TSHZ1: variants seen among roughly 807,000 people sequenced by gnomAD.
The protein encoded by TSHZ1 is teashirt zinc finger homeobox 1.
A neutral mutation model predicts 67.1 loss-of-function variants in TSHZ1; 12 were observed. That is an observed-to-expected ratio of 0.18 (90% CI 0.11 to 0.29). The LOEUF (loss-of-function observed/expected upper bound fraction) is 0.29, where lower values mean the gene tolerates loss of function less well. Among genes scored for constraint, TSHZ1 ranks in the 10% least tolerant of loss-of-function variants. The pLI is 1.00. For missense variants in TSHZ1, 1,305 were observed against 1,413.9 expected, an observed-to-expected ratio of 0.92 and a Z score of 1.23; for synonymous variants, 632 against 622.4, an observed-to-expected ratio of 1.02 and a Z score of -0.23.
intron 1 of TSHZ1, among the ~76,000 whole-genome samples, chr18:75,246,680 G>A (rs1390740812): frequency 6.6e-6 from 1 of 152,084 alleles, no homozygotes; most frequent in Non-Finnish European, 1.5e-5. Flanking sequence ...CTGTGTGGGG[G>A]AAGAAAGCCT....
chr18:75,280,744 C>A lies in TSHZ1; in HGVS notation c.41-4704C>A, dbSNP rs552001381. On this transcript the variant is annotated intron_variant, in intron 1 of 1. Coordinates refer to ENST00000580243, the MANE Select transcript of TSHZ1 (RefSeq NM_001308210.2). ...AAGCAATGGGATGAAAATACTCAAC[C>A]CAGAGGCGCAGGAGCCTGTGCCGTG... 59 of 985,402 alleles carry A rather than the reference C, an allele frequency of 6.0e-5. No individual in the cohort carries two copies. The African/African-American group carries it at 1.0e-3, about 17-fold the overall frequency. 61.0% of individuals were successfully genotyped at this position (985,402 alleles called of 1,614,324 possible).
chr18:75,247,616 G>T (rs567341934), intron 1 of TSHZ1, among the ~76,000 whole-genome samples: 1 of 152,232 alleles, frequency 6.6e-6, no homozygotes, highest in South Asian at 2.1e-4. Flanking sequence ...TAATGCTATT[G>T]CAGTAAAGCG....
At chr18:75,274,073 G>A (rs932799557) in intron 1 of TSHZ1, among the ~76,000 whole-genome samples, 5 of 152,124 alleles carry the variant, frequency 3.3e-5, no homozygotes, top group Non-Finnish European at 7.3e-5. Context: ...GGTCTGTAGG[G>A]TGCTGTGCGT....
intron 1 of TSHZ1, among the ~76,000 whole-genome samples, chr18:75,219,358 T>C (rs1213871846): frequency 1.3e-5 from 2 of 152,188 alleles, no homozygotes; most frequent in Non-Finnish European, 2.9e-5. Flanking sequence ...CCCAGGAAGG[T>C]ATTTATTTAT....
intron 1 of TSHZ1, among the ~76,000 whole-genome samples, chr18:75,213,177 A>G (rs951199518): frequency 6.6e-6 from 1 of 152,242 alleles, no homozygotes; most frequent in African/African-American, 2.4e-5. Context: ...TGGGAATAGT[A>G]TCTACGTTTA....
At chr18:75,242,939 A>G (rs1472813365) in intron 1 of TSHZ1, among the ~76,000 whole-genome samples, 1 of 152,164 alleles carries the variant, frequency 6.6e-6, no homozygotes, top group Non-Finnish European at 1.5e-5. Context: ...CCTAGTGAAC[A>G]TGTGTTGCTC....
chr18:75,212,234 G>GTACTC (rs2122505823), intron 1 of TSHZ1, among the ~76,000 whole-genome samples: 1 of 152,326 alleles, frequency 6.6e-6, no homozygotes, highest in Non-Finnish European at 1.5e-5. Context: ...TGCGCTGAGG[G>GTACTC]GAAGTAGTTG....
intron 1 of TSHZ1, among the ~76,000 whole-genome samples, chr18:75,214,698 A>G (rs920937480): frequency 1.3e-5 from 2 of 152,182 alleles, no homozygotes; most frequent in African/African-American, 4.8e-5. Context: ...AAATTATCCA[A>G]ATGAATCCTC....
At chr18:75,240,859 A>G (rs2023147039) in intron 1 of TSHZ1, among the ~76,000 whole-genome samples, 1 of 152,228 alleles carries the variant, frequency 6.6e-6, no homozygotes, top group African/African-American at 2.4e-5. Context: ...GATCTTAAGA[A>G]TCAGTAATTT....
At chr18:75,215,108 T>C (rs537199870) in intron 1 of TSHZ1, among the ~76,000 whole-genome samples, 6 of 152,198 alleles carry the variant, frequency 3.9e-5, no homozygotes, top group African/African-American at 4.8e-5. Context: ...TCAGCTGTTA[T>C]GTATTTTTAT....
intron 1 of TSHZ1, among the ~76,000 whole-genome samples, chr18:75,224,320 A>G (rs1187567410): frequency 1.3e-5 from 2 of 152,138 alleles, no homozygotes; most frequent in East Asian, 1.9e-4. Context: ...CTCTTCTTAA[A>G]TTTCGCATCG....
chr18:75,239,274 T>A (rs900677631), intron 1 of TSHZ1, among the ~76,000 whole-genome samples: 1 of 152,266 alleles, frequency 6.6e-6, no homozygotes, highest in Non-Finnish European at 1.5e-5. Flanking sequence ...TGTGAGTAAT[T>A]GATGCTTCTG....
intron 1 of TSHZ1, among the ~76,000 whole-genome samples, chr18:75,219,372 G>T (rs925602282): frequency 4.6e-5 from 7 of 152,172 alleles, no homozygotes; most frequent in Non-Finnish European, 8.8e-5. Context: ...TATTTATTAA[G>T]TTGATAACAT....
In TSHZ1 at chr18:75,288,060, A is replaced by G. The variant is rs765022598; in HGVS notation, c.2653A>G (p.Arg885Gly). 4 of 1,613,822 alleles carry G rather than the reference A, an allele frequency of 2.5e-6. No individual in the cohort carries two copies. Among genetic ancestry groups the G allele is most frequent in the Admixed American group, 1.7e-5 (1 of 60,024 alleles). Residue 885 changes from arginine (R) to glycine (G), a missense_variant, in exon 2 of 2, where the codon AGG (arginine) becomes GGG (glycine). Transcript: ENST00000580243. The surrounding 1 kb of genome is among the most constrained non-coding windows in gnomAD (Gnocchi z 4.9). ...ALDELSPVHK[R>G]KGRQSNWNPQ... ...GGACGAGCTGTCACCGGTCCACAAG[A>G]GGAAGGGCCGGCAGTCCAACTGGAA...
At chr18:75,270,406 A>G (rs951294987) in intron 1 of TSHZ1, among the ~76,000 whole-genome samples, 4 of 152,360 alleles carry the variant, frequency 2.6e-5, no homozygotes, top group East Asian at 1.9e-4. Context: ...ATGACATTTT[A>G]ATGCAAAGCA....
intron 1 of TSHZ1, among the ~76,000 whole-genome samples, chr18:75,243,086 C>A (rs963928715): frequency 6.6e-6 from 1 of 152,160 alleles, no homozygotes; most frequent in African/African-American, 2.4e-5. Context: ...ATACCTGGAG[C>A]ACAGCCTAGG....
chr18:75,224,242 G>A (rs938888913), intron 1 of TSHZ1, among the ~76,000 whole-genome samples: 7 of 151,994 alleles, frequency 4.6e-5, no homozygotes, highest in South Asian at 2.1e-4. Flanking sequence ...GTTTTATGAC[G>A]TCTGTCTTCT....
intron 1 of TSHZ1, among the ~76,000 whole-genome samples, chr18:75,228,486 G>A (rs2022954308): frequency 6.6e-6 from 1 of 152,222 alleles, no homozygotes; most frequent in Non-Finnish European, 1.5e-5. Context: ...CCTCTCCTAA[G>A]TGCTACAGAT....
At chr18:75,272,961 G>A (rs1334352151) in intron 1 of TSHZ1, among the ~76,000 whole-genome samples, 1 of 152,168 alleles carries the variant, frequency 6.6e-6, no homozygotes. Flanking sequence ...TGCAAAAGCT[G>A]AGCACCTTTT....
Sources: gnomAD v4.1 joint callset for allele counts (sites outside exome capture counted in the v4.1 genomes callset) on GRCh38, gnomAD v4.1.1 for gene constraint, Gnocchi (gnomAD v3.1) non-coding constraint, MANE v1.5 for transcripts, NCBI Gene and HGNC (gene_info 2026-07-23, HGNC 2026-07-21) for gene names.